Variants in ATM observed in about 807,000 individuals in gnomAD.
The protein encoded by ATM is ATM serine/threonine kinase.
A neutral mutation model predicts 387.0 loss-of-function variants in ATM; 308 were observed. The ratio of observed to expected loss-of-function variants is 0.80; its 90% confidence interval spans 0.73 to 0.87. The LOEUF (loss-of-function observed/expected upper bound fraction) is 0.87. ATM is among the 40% of genes least tolerant of loss of function. The probability of loss-of-function intolerance (pLI) is 0.00; values close to 1 mark genes in which losing one functional copy is unlikely to be tolerated. For missense variants in ATM, 3,312 were observed against 3,560.9 expected (o/e 0.93, Z 1.78); for synonymous variants, 1,156 against 1,187.3 (o/e 0.97, Z 0.54).
intron 31 of ATM, among the ~76,000 whole-genome samples, chr11:108,293,988 A>C (rs1445719775): frequency 1.3e-5 from 2 of 150,712 alleles, no homozygotes; most frequent in African/African-American, 4.9e-5. Flanking sequence ...AAATAAAAAA[A>C]TGAATCTTAA....
intron 61 of ATM, chr11:108,355,080 C>T: frequency 1.7e-6 from 1 of 578,158 alleles, no homozygotes; most frequent in South Asian, 2.1e-5. Context: ...CCTTGAGTTT[C>T]TTGGAATGTT....
intron 61 of ATM, among the ~76,000 whole-genome samples, chr11:108,361,344 A>C (rs1324496308): frequency 6.7e-6 from 1 of 149,876 alleles, no homozygotes; most frequent in African/African-American, 2.5e-5. Flanking sequence ...GGTAGGAAGA[A>C]TCAATATTGT....
At chr11:108,351,313 C>T (rs775358987) in intron 59 of ATM, among the ~76,000 whole-genome samples, 1 of 152,150 alleles carries the variant, frequency 6.6e-6, no homozygotes, top group African/African-American at 2.4e-5. Flanking sequence ...GTTCTGTTAA[C>T]GTGGATTTGT....
At chr11:108,295,333 GTTT>G (rs754503110) in intron 32 of ATM, 9 of 288,602 alleles carry the variant, frequency 3.1e-5, no homozygotes, top group Non-Finnish European at 4.6e-5. Flanking sequence ...AAGAGACAGA[GTTT>G]TTTTTTTTTT....
rs1168327781 is a variant in ATM, at chr11:108,252,049, G to A, written c.1802+18G>A. The A allele has an allele frequency of 6.2e-7, 1 of 1,605,126 alleles. No homozygotes were observed. Among genetic ancestry groups the A allele is most frequent in the Non-Finnish European group, 8.5e-7 (1 of 1,175,804 alleles). On this transcript the variant is annotated intron_variant, in intron 11 of 62. Transcript: ENST00000675843. ...CTTCACAGGTAATTTAAGTTCATTA[G>A]CATGCTGCTGTTTTTTTTGTTTGTT...
At chr11:108,313,397 A>G (rs1176846797) in intron 40 of ATM, among the ~76,000 whole-genome samples, 1 of 152,022 alleles carries the variant, frequency 6.6e-6, no homozygotes, top group East Asian at 1.9e-4. Context: ...AGTTGTCCAT[A>G]TTTGCTGTCT....
At position 108,281,162 on chromosome 11, in the gene ATM, G is replaced by A. The variant is rs1347241379; in HGVS notation, c.3570G>A (p.Val1190=). 3 of 1,613,688 alleles carry A rather than the reference G, an allele frequency of 1.9e-6. No individual in the cohort carries two copies. Among genetic ancestry groups the A allele is most frequent in the Non-Finnish European group, 2.5e-6 (3 of 1,179,786 alleles). The change falls in exon 24 of 63, where the codon GTG becomes GTA. Residue 1190 remains valine, a synonymous_variant. Transcript: ENST00000675843. ...AGAATGGATTAGAACCTCACCTTGT[G>A]AAAAAGGTATATATGGATGAGTATT... ...VKENGLEPHL[V]KKVLEKVSET... is the part of the protein sequence containing the mutation.
chr11:108,239,850 A>G (rs2079471487), intron 5 of ATM, among the ~76,000 whole-genome samples: 1 of 152,158 alleles, frequency 6.6e-6, no homozygotes, highest in African/African-American at 2.4e-5. Context: ...GTGCTGCATA[A>G]TTTTGCTTCT....
rs761415893 is a variant in ATM at position 108,227,596 on chromosome 11, C to T, written c.-29C>T. ...TACCTATATGTATTTTTTTTACAGA[C>T]AGTGATGTGTGTTCTGAAATTGTGA... is the stretch of plus-strand genomic sequence containing the variant. On this transcript the variant is annotated splice_region_variant and 5_prime_UTR_variant, in exon 2 of 63. Coordinates refer to ENST00000675843, the MANE Select transcript of ATM (RefSeq NM_000051.4). The T allele has an allele frequency of 3.1e-6, 5 of 1,594,850 alleles. No individual in the cohort carries two copies. In the South Asian group the frequency reaches 4.4e-5, roughly 14 times the overall value.
intron 61 of ATM, among the ~76,000 whole-genome samples, chr11:108,358,140 T>C (rs1320906892): frequency 2.6e-5 from 4 of 151,130 alleles, no homozygotes; most frequent in African/African-American, 7.3e-5. Context: ...GAGAACTATG[T>C]GAAGAATGCA....
intron 43 of ATM, among the ~76,000 whole-genome samples, 185 bp downstream of exon 43, chr11:108,317,706 G>A (rs1201764149): frequency 9.7e-5 from 14 of 144,078 alleles, no homozygotes; most frequent in African/African-American, 3.6e-4. Flanking sequence ...TATATAGTGT[G>A]TATGTGTGTA....
chr11:108,281,642 G>A (rs1321101779), intron 24 of ATM, among the ~76,000 whole-genome samples: 1 of 152,224 alleles, frequency 6.6e-6, no homozygotes, highest in Non-Finnish European at 1.5e-5. Context: ...CAGTATTATA[G>A]AATGTTGGCC....
intron 16 of ATM, among the ~76,000 whole-genome samples, chr11:108,265,569 A>G (rs890735911): frequency 2.7e-5 from 4 of 150,582 alleles, no homozygotes; most frequent in Non-Finnish European, 4.5e-5. Flanking sequence ...GGACATAGGC[A>G]TGGGCAAGGA....
At chr11:108,364,366 G>C (rs1302890381) in intron 61 of ATM, among the ~76,000 whole-genome samples, 1 of 152,082 alleles carries the variant, frequency 6.6e-6, no homozygotes, top group African/African-American at 2.4e-5. Context: ...TAGCTGTTCT[G>C]AACTGCCAAT....
rs2082678060 is a variant in ATM at position 108,289,711 on chromosome 11, T to C, written c.4346T>C (p.Leu1449Ser). The change falls in exon 29 of 63, where the codon TTA becomes TCA. Residue 1449 changes from leucine (L) to serine (S), a missense_variant. By Grantham distance (145) the Leu-to-Ser change is moderately radical. Around this residue, in one of 4 missense-constraint regions of ATM, gnomAD observed 1,791 missense variants for 1,804.5 expected, o/e 0.99. Coordinates refer to ENST00000675843, the MANE Select transcript of ATM (RefSeq NM_000051.4). ...LKIYHLFVSL[L>S]LKDIKSGLGG... is the part of the protein sequence containing the mutation. ...ATATATCACCTGTTTGTTAGTTTAT[T>C]ACTGAAAGATATAAAAAGTGGCTTA... is the stretch of plus-strand genomic sequence containing the variant. The C allele has an allele frequency of 6.2e-7, 1 of 1,613,676 alleles. No homozygotes were observed. The highest frequency in any genetic ancestry group is 8.5e-7 in the Non-Finnish European group (1 of 1,179,856).
In ATM at chr11:108,292,631, C is replaced by A. The variant is rs786203726; in HGVS notation, c.4449C>A (p.Ile1483=). 1 of 1,613,224 alleles carries A rather than the reference C, an allele frequency of 6.2e-7. No homozygotes were observed. Among genetic ancestry groups the A allele is most frequent in the South Asian group, 1.1e-5 (1 of 91,022 alleles). Reference sequence around the variant, plus strand: ...CTCCCTATATTAGGCCTTCTTGTATCATGGATGTGTCATTACGTAGCTTCT... The same window carrying A: ...CTCCCTATATTAGGCCTTCTTGTATAATGGATGTGTCATTACGTAGCTTCT... ...IHYINQRPSC[I]MDVSLRSFSL... Residue 1483 remains isoleucine (I), a synonymous_variant, in exon 30 of 63, where the codon ATC becomes ATA. Transcript: ENST00000675843.
Position 108,277,661 on chromosome 11 carries a change from G to C in ATM, c.3285-1830G>C, listed in dbSNP as rs370142778. On this transcript the variant is annotated intron_variant, in intron 22 of 62. Transcript: ENST00000675843. ...AGTTCCCCGACCCCTTGTGCTTCCC[G>C]GGTGAGGCTACACCCCACCCTGCTT... Among the ~76,000 whole-genome samples, 3 of 152,196 alleles carry C rather than the reference G, an allele frequency of 2.0e-5. No individual in the cohort carries two copies. The East Asian group carries it at 5.8e-4, about 29-fold the overall frequency.
chr11:108,276,166 C>T (rs1399661985), intron 22 of ATM, among the ~76,000 whole-genome samples: 4 of 152,098 alleles, frequency 2.6e-5, no homozygotes, highest in East Asian at 1.9e-4. Context: ...TTGATACTTG[C>T]GTATGCTTCA....
intron 56 of ATM, among the ~76,000 whole-genome samples, chr11:108,337,619 C>T (rs1457639182): frequency 1.3e-5 from 2 of 152,202 alleles, no homozygotes; most frequent in Non-Finnish European, 2.9e-5. Context: ...TTGAGACCCA[C>T]CAGTCTACTT....
Sources: gnomAD v4.1 joint callset for allele counts (sites outside exome capture counted in the v4.1 genomes callset) on GRCh38, gnomAD v4.1.1 for gene constraint, gnomAD v4.1.1 regional missense constraint, MANE v1.5 for transcripts, NCBI Gene and HGNC (gene_info 2026-07-23, HGNC 2026-07-21) for gene names.